Variants in GRIA2 observed in about 807,000 individuals in gnomAD.
GRIA2 encodes the protein glutamate receptor 2.
In GRIA2, 14 loss-of-function variants were observed where a neutral mutation model predicts 97.3. That is an observed-to-expected ratio of 0.14 (90% CI 0.10 to 0.23). The LOEUF is 0.23. Ranked by LOEUF, GRIA2 falls within the 10% of genes least tolerant of loss-of-function variation. GRIA2 has a pLI of 1.00. For missense variants in GRIA2, 558 were observed against 1,069.8 expected, an observed-to-expected ratio of 0.52 and a Z score of 6.67; for synonymous variants, 412 against 387.8, an observed-to-expected ratio of 1.06 and a Z score of -0.73.
At chr4:157,228,272 C>A (rs923627061) in intron 2 of GRIA2, among the ~76,000 whole-genome samples, 13 of 152,104 alleles carry the variant, frequency 8.5e-5, no homozygotes, top group Non-Finnish European at 1.5e-4. Context: ...TTTGTATTTG[C>A]TATACATATG....
chr4:157,348,563 A>G (rs956305811), intron 12 of GRIA2, among the ~76,000 whole-genome samples: 5 of 152,168 alleles, frequency 3.3e-5, no homozygotes, highest in African/African-American at 9.6e-5. Flanking sequence ...TAAAAATAAA[A>G]TGGACATTGG....
At chr4:157,282,940 T>A (rs1732674003) in intron 2 of GRIA2, among the ~76,000 whole-genome samples, 2 of 152,084 alleles carry the variant, frequency 1.3e-5, no homozygotes, top group Admixed American at 6.6e-5. Flanking sequence ...TTTGCCTAGA[T>A]ACATTTAAGA....
chr4:157,266,953 G>C (rs957438437), intron 2 of GRIA2, among the ~76,000 whole-genome samples: 2 of 151,870 alleles, frequency 1.3e-5, no homozygotes, highest in African/African-American at 2.4e-5. Context: ...TCAGCTACTC[G>C]AGTAGGCTCA....
intron 2 of GRIA2, among the ~76,000 whole-genome samples, chr4:157,288,410 G>T: frequency 6.6e-6 from 1 of 150,718 alleles, no homozygotes; most frequent in African/African-American, 2.4e-5. Flanking sequence ...TTTAGGCCTC[G>T]GGTTACTCGA....
chr4:157,320,557 A>T (rs771309489), intron 5 of GRIA2, among the ~76,000 whole-genome samples: 17 of 152,230 alleles, frequency 1.1e-4, no homozygotes, highest in Admixed American at 5.2e-4. Context: ...GAGCCAATAA[A>T]AAGTAATTAC....
At chr4:157,303,865 T>C (rs1268428951) in intron 3 of GRIA2, 74 bp downstream of exon 3, 3 of 1,469,830 alleles carry the variant, frequency 2.0e-6, no homozygotes, top group Non-Finnish European at 2.8e-6. Flanking sequence ...ATGGATGTTA[T>C]AAAGCTACAA....
intron 5 of GRIA2, among the ~76,000 whole-genome samples, chr4:157,320,891 G>A: frequency 6.6e-6 from 1 of 152,002 alleles, no homozygotes; most frequent in East Asian, 1.9e-4. Context: ...TTTTTTTTAA[G>A]ATTTAATATA....
At chr4:157,263,597 ACCAC>A (rs969845634) in intron 2 of GRIA2, among the ~76,000 whole-genome samples, 1 of 151,996 alleles carries the variant, frequency 6.6e-6, no homozygotes, top group Non-Finnish European at 1.5e-5. Context: ...ATATAAATGC[ACCAC>A]AACAGATGGT....
intron 2 of GRIA2, among the ~76,000 whole-genome samples, chr4:157,282,692 A>G (rs916144840): frequency 1.3e-5 from 2 of 152,106 alleles, no homozygotes; most frequent in Admixed American, 6.6e-5. Flanking sequence ...ATTTTGCTTC[A>G]GCCAGAAAAT....
At chr4:157,295,981 A>G (rs1168876328) in intron 2 of GRIA2, among the ~76,000 whole-genome samples, 2 of 152,178 alleles carry the variant, frequency 1.3e-5, no homozygotes, top group East Asian at 1.9e-4. Flanking sequence ...GTTATTGGGC[A>G]TATATTCCAT....
At chr4:157,265,561 G>C (rs1312529615) in intron 2 of GRIA2, among the ~76,000 whole-genome samples, 1 of 152,118 alleles carries the variant, frequency 6.6e-6, no homozygotes, top group African/African-American at 2.4e-5. Context: ...GACTAGGCCA[G>C]GGGCTTAGGT....
At chr4:157,240,998 T>TG (rs201374564) in intron 2 of GRIA2, among the ~76,000 whole-genome samples, 23,834 of 151,966 alleles carry the variant, frequency 0.16, 1,957 homozygotes, top group African/African-American at 0.17. Flanking sequence ...CTGAGAATGA[T>TG]GATTTCCAAT....
intron 2 of GRIA2, among the ~76,000 whole-genome samples, chr4:157,279,396 A>T (rs906512327): frequency 1.3e-5 from 2 of 152,294 alleles, no homozygotes; most frequent in Admixed American, 6.5e-5. Context: ...AAAAGGAAAA[A>T]CTAGGAAGAC....
chr4:157,288,053 G>A (rs781158456), intron 2 of GRIA2, among the ~76,000 whole-genome samples: 1 of 151,458 alleles, frequency 6.6e-6, no homozygotes, highest in African/African-American at 2.4e-5. Flanking sequence ...TCCTAATAAA[G>A]TATTATACAT....
chr4:157,244,098 C>G (rs1229901870), intron 2 of GRIA2, among the ~76,000 whole-genome samples: 1 of 151,824 alleles, frequency 6.6e-6, no homozygotes, highest in African/African-American at 2.4e-5. Flanking sequence ...AAGATGAGAA[C>G]CAGCTGGACA....
At chr4:157,273,709 G>A (rs1192439203) in intron 2 of GRIA2, among the ~76,000 whole-genome samples, 1 of 151,978 alleles carries the variant, frequency 6.6e-6, no homozygotes, top group African/African-American at 2.4e-5. Flanking sequence ...GATTGGAAAA[G>A]TAAAACAGAA....
At chr4:157,293,800 GT>G (rs1733213050) in intron 2 of GRIA2, among the ~76,000 whole-genome samples, 1 of 152,064 alleles carries the variant, frequency 6.6e-6, no homozygotes, top group Middle Eastern at 3.2e-3. Context: ...TCAGGGCAAT[GT>G]TAGAGCAATG....
intron 2 of GRIA2, among the ~76,000 whole-genome samples, chr4:157,273,735 G>A (rs1201870317): frequency 6.6e-6 from 1 of 151,878 alleles, no homozygotes; most frequent in Non-Finnish European, 1.5e-5. Flanking sequence ...AAGAACTATG[G>A]GACAACTACA....
chr4:157,324,702 T>C (rs1309095836), intron 6 of GRIA2, among the ~76,000 whole-genome samples: 2 of 152,162 alleles, frequency 1.3e-5, no homozygotes, highest in East Asian at 3.9e-4. Flanking sequence ...GGTCATGTTA[T>C]GGAAGTTGCA....
Sources: gnomAD v4.1 joint callset for allele counts (sites outside exome capture counted in the v4.1 genomes callset) on GRCh38, gnomAD v4.1.1 for gene constraint, MANE v1.5 for transcripts, NCBI Gene and HGNC (gene_info 2026-07-23, HGNC 2026-07-21) for gene names.